The following RC3H1 variants were observed in gnomAD, a reference collection of about 807,000 sequenced individuals.
RC3H1 encodes roquin-1.
RC3H1 carries 50 observed loss-of-function variants against 138.2 expected under a neutral mutation model. That is an observed-to-expected ratio of 0.36 (90% CI 0.29 to 0.46). The LOEUF is 0.46. RC3H1 is among the 20% of genes least tolerant of loss of function. The pLI is 1.00. For synonymous variants in RC3H1, 462 were observed against 489.1 expected (o/e 0.94, Z 0.73); for missense variants, 1,031 against 1,388.1 (o/e 0.74, Z 4.09).
chr1:174,004,651 C>CAA (rs5778791), intron 1 of RC3H1, among the ~76,000 whole-genome samples: 24 of 111,334 alleles, frequency 2.2e-4, no homozygotes, highest in African/African-American at 5.6e-4. Flanking sequence ...ACTAAAAATA[C>CAA]AAAAAAAAAA....
chr1:173,967,328 A>T (rs914179364), intron 9 of RC3H1, among the ~76,000 whole-genome samples: 8 of 152,188 alleles, frequency 5.3e-5, no homozygotes, highest in Non-Finnish European at 8.8e-5. Context: ...TCAAAAAAAA[A>T]GTAACAGATA....
At position 173,964,194 on chromosome 1, in the gene RC3H1, GAAT is replaced by G. The variant is rs963998782; in HGVS notation, c.1617-10_1617-8del. On this transcript the variant is annotated splice_region_variant and splice_polypyrimidine_tract_variant and intron_variant, in intron 10 of 19. Transcript: ENST00000367696. The stretch of plus-strand genomic sequence containing the variant: ...CTTAGGAACAGATTCTAGCCTAAGG[GAAT>G]AATATTATGGAAGTTGTTTAAAAAA... The G allele has an allele frequency of 3.8e-6, 6 of 1,593,548 alleles. No homozygotes were observed. Among genetic ancestry groups the G allele is most frequent in the Admixed American group, 1.7e-5 (1 of 59,914 alleles).
intron 19 of RC3H1, among the ~76,000 whole-genome samples, chr1:173,940,664 CA>C (rs1478693587): frequency 6.0e-5 from 9 of 150,296 alleles, no homozygotes; most frequent in African/African-American, 2.2e-4. Context: ...TTACATTGAG[CA>C]TATAGTATTT....
In RC3H1 at chr1:173,932,618, G is replaced by A. The variant is rs905071074; in HGVS notation, c.*6103C>T. On this transcript the variant is annotated 3_prime_UTR_variant, in exon 20 of 20. Coordinates refer to ENST00000367696, the MANE Select transcript of RC3H1 (RefSeq NM_172071.4). ...GAGAAGTGTGAAAATTTAGGCCAACGATCCATCTGGAAAAAATAACTCTCA... is the reference window on the plus strand; with the variant it reads ...GAGAAGTGTGAAAATTTAGGCCAACAATCCATCTGGAAAAAATAACTCTCA... The A allele has an allele frequency of 6.6e-6, 1 of 151,948 alleles. No homozygotes were observed. Among genetic ancestry groups the A allele is most frequent in the Non-Finnish European group, 1.5e-5 (1 of 67,934 alleles). 9.4% of individuals were successfully genotyped at this position (151,948 alleles called of 1,614,324 possible).
At chr1:173,939,396 G>C (rs965412570) in intron 19 of RC3H1, among the ~76,000 whole-genome samples, 3 of 151,728 alleles carry the variant, frequency 2.0e-5, no homozygotes, top group Non-Finnish European at 4.4e-5. Context: ...AAATTAGCCT[G>C]GTGGTGTGTG....
chr1:173,943,751 G>T, intron 17 of RC3H1, 136 bp from the exon 18 acceptor site: 1 of 740,928 alleles, frequency 1.3e-6, no homozygotes, highest in Non-Finnish European at 2.0e-6. Flanking sequence ...CAACTGTAAG[G>T]TGCTGTTCTC....
chr1:173,996,922 T>C (rs1170474749), intron 1 of RC3H1, among the ~76,000 whole-genome samples: 1 of 152,070 alleles, frequency 6.6e-6, no homozygotes, highest in Non-Finnish European at 1.5e-5. Flanking sequence ...TCTGTTTTTT[T>C]TTTGGGTAAC....
At chr1:174,008,705 G>T (rs1055009875) in intron 1 of RC3H1, among the ~76,000 whole-genome samples, 1 of 152,104 alleles carries the variant, frequency 6.6e-6, no homozygotes, top group Non-Finnish European at 1.5e-5. Flanking sequence ...GGCCAGGTGT[G>T]GTGACTCACA....
chr1:173,970,017 AC>A (rs1660283324), intron 9 of RC3H1, among the ~76,000 whole-genome samples: 1 of 152,172 alleles, frequency 6.6e-6, no homozygotes, highest in African/African-American at 2.4e-5. Flanking sequence ...AGCTGAAGAA[AC>A]TGCTTTTCAT....
At position 173,952,297 on chromosome 1, in the gene RC3H1, T is replaced by C. The variant is rs530890094; in HGVS notation, c.2371-159A>G. On this transcript the variant is annotated intron_variant, in intron 13 of 19. Coordinates refer to ENST00000367696, the MANE Select transcript of RC3H1 (RefSeq NM_172071.4). ...ATTATTTGATTTTTAAGTGCCACAA[T>C]AGAAGATTTTTGTAAACTACTATGA... Among the ~76,000 whole-genome samples, 22 of 145,090 alleles carry C rather than the reference T, an allele frequency of 1.5e-4. No homozygotes were observed. The South Asian group carries it at 1.9e-3, about 13-fold the overall frequency.
chr1:173,989,978 G>A (rs1013199216), intron 2 of RC3H1, among the ~76,000 whole-genome samples: 6 of 150,496 alleles, frequency 4.0e-5, no homozygotes, highest in Admixed American at 2.0e-4. Flanking sequence ...CACCCGCCTC[G>A]GCCTCCCAAA....
intron 14 of RC3H1, among the ~76,000 whole-genome samples, chr1:173,947,945 A>G (rs1404235651): frequency 2.1e-5 from 3 of 146,158 alleles, no homozygotes; most frequent in Admixed American, 6.7e-5. Flanking sequence ...AGGTCTCCCT[A>G]TGTTGACCAG....
intron 1 of RC3H1, among the ~76,000 whole-genome samples, chr1:174,001,406 G>C (rs143771734): frequency 5.3e-4 from 81 of 152,288 alleles, no homozygotes; most frequent in Non-Finnish European, 9.3e-4. Flanking sequence ...TTATCAAAGA[G>C]GTGGCAGAAT....
chr1:173,975,210 C>T (rs1316590572), intron 7 of RC3H1, among the ~76,000 whole-genome samples: 1 of 152,102 alleles, frequency 6.6e-6, no homozygotes, highest in Non-Finnish European at 1.5e-5. Context: ...ATTCTCCTGT[C>T]TCAGCCTCCC....
chr1:174,007,957 A>G (rs1661683085), intron 1 of RC3H1, among the ~76,000 whole-genome samples: 1 of 152,224 alleles, frequency 6.6e-6, no homozygotes, highest in Non-Finnish European at 1.5e-5. Context: ...GTGTCAATAA[A>G]AAAAGTAGAC....
chr1:173,944,568 A>C (rs1659053562), intron 17 of RC3H1, among the ~76,000 whole-genome samples: 1 of 152,186 alleles, frequency 6.6e-6, no homozygotes, highest in African/African-American at 2.4e-5. Flanking sequence ...TAAAGTATAT[A>C]AAACAAACAA....
chr1:174,022,035 C>T lies in RC3H1; in HGVS notation c.-151+61G>A. On this transcript the variant is annotated intron_variant, in intron 1 of 19. Coordinates refer to ENST00000367696, the MANE Select transcript of RC3H1 (RefSeq NM_172071.4). This position sits in a 1 kb window ranked among gnomAD's most constrained non-coding sequence, Gnocchi z 4.2. ...TCCCGACCACAGCTGCCTATTGTTCCCGACTGAGGCCCCGGCCGCGGCAGC... is the reference window on the plus strand; with the variant it reads ...TCCCGACCACAGCTGCCTATTGTTCTCGACTGAGGCCCCGGCCGCGGCAGC... 2.5e-6 allele frequency: 1 copy of T among 393,330 alleles called. No homozygotes were observed. Among genetic ancestry groups the T allele is most frequent in the Non-Finnish European group, 4.5e-6 (1 of 223,110 alleles). 24.4% of individuals were successfully genotyped at this position (393,330 alleles called of 1,614,324 possible). A position where few individuals can be genotyped will look rare whatever the true frequency, so the allele number is the denominator to read the frequency against.
intron 1 of RC3H1, among the ~76,000 whole-genome samples, chr1:173,994,709 A>G (rs1441394518): frequency 1.3e-5 from 2 of 150,576 alleles, no homozygotes; most frequent in Non-Finnish European, 3.0e-5. Flanking sequence ...AGGTAGGAGG[A>G]TCGCTTGAGC....
At chr1:173,953,789 AG>A (rs1294987294) in intron 13 of RC3H1, among the ~76,000 whole-genome samples, 1 of 152,108 alleles carries the variant, frequency 6.6e-6, no homozygotes, top group Non-Finnish European at 1.5e-5. Context: ...CTGCAATCCC[AG>A]CACTTTGGGA....
Sources: allele counts gnomAD v4.1 joint callset (sites outside exome capture counted in the v4.1 genomes callset), GRCh38; gene constraint gnomAD v4.1.1; non-coding constraint Gnocchi (gnomAD v3.1); transcripts MANE v1.5; gene names NCBI Gene and HGNC (gene_info 2026-07-23, HGNC 2026-07-21).